HGSNAT: variants seen among roughly 807,000 people sequenced by gnomAD.
HGSNAT encodes the protein transmembrane protein 76.
HGSNAT carries 59 observed loss-of-function variants against 85.2 expected under a neutral mutation model. That is an observed-to-expected ratio of 0.69 (90% confidence interval 0.56 to 0.86). HGSNAT has a LOEUF of 0.86. HGSNAT is among the 40% of genes least tolerant of loss of function. The pLI, the probability that HGSNAT is intolerant of heterozygous loss-of-function variation, is 0.00. For missense variants in HGSNAT, 756 were observed against 777.1 expected (o/e 0.97, Z 0.32); for synonymous variants, 321 against 304.5 (o/e 1.05, Z -0.56).
chr8:43,194,728 C>T (rs1269417922), intron 14 of HGSNAT, among the ~76,000 whole-genome samples: 1 of 152,200 alleles, frequency 6.6e-6, no homozygotes, highest in African/African-American at 2.4e-5. Context: ...AAGCCCTTTT[C>T]TAAGGCCATT....
chr8:43,166,205 A>G (rs141138801), intron 5 of HGSNAT, among the ~76,000 whole-genome samples: 162 of 152,310 alleles, frequency 1.1e-3, no homozygotes, highest in African/African-American at 3.8e-3. Context: ...GCAAGTGCTG[A>G]TGGAGAAGCT....
rs769554777 is a variant in HGSNAT at position 43,182,332 on chromosome 8, C to G, written c.1128+72C>G. On this transcript the variant is annotated intron_variant, in intron 11 of 17. Coordinates refer to ENST00000379644, the MANE Select transcript of HGSNAT (RefSeq NM_152419.3). ...AAAATGTATTGTGTGGTGATACGGT[C>G]TCACTATGTTGTCCAGACTGGTCCC... The G allele has an allele frequency of 2.9e-5, 35 of 1,206,414 alleles. No individual in the cohort carries two copies. In the South Asian group the frequency reaches 4.0e-4, roughly 14 times the overall value. 74.7% of individuals were successfully genotyped at this position (1,206,414 alleles called of 1,614,324 possible).
intron 14 of HGSNAT, chr8:43,194,259 C>T: frequency 2.0e-6 from 1 of 500,750 alleles, no homozygotes; most frequent in Non-Finnish European, 2.6e-6. Flanking sequence ...ATTAGCCAGG[C>T]ATGATGGCAC....
chr8:43,189,051 G>C (rs531715977), intron 11 of HGSNAT, among the ~76,000 whole-genome samples: 66 of 152,318 alleles, frequency 4.3e-4, no homozygotes, highest in African/African-American at 1.5e-3. Flanking sequence ...CCTACTGGGA[G>C]GTGTCTCCCA....
In HGSNAT at chr8:43,140,523, C is replaced by T; in HGVS notation, c.27C>T (p.Ala9=). ...TGAGCGGGGCGGGCAGGGCGCTGGCCGCGCTGCTGCTGGCCGCGTCCGTGC... is the reference window on the plus strand; with the variant it reads ...TGAGCGGGGCGGGCAGGGCGCTGGCTGCGCTGCTGCTGGCCGCGTCCGTGC... MSGAGRAL[A]ALLLAASVLS... Residue 9 remains alanine, a synonymous_variant, in exon 1 of 18, where the codon GCC becomes GCT. Transcript: ENST00000379644. The T allele has an allele frequency of 3.6e-6, 4 of 1,098,790 alleles. No individual in the cohort carries two copies. Among genetic ancestry groups the T allele is most frequent in the South Asian group, 4.3e-5 (1 of 23,460 alleles). 68.1% of individuals were successfully genotyped at this position (1,098,790 alleles called of 1,614,324 possible).
rs1586698317 is a variant in HGSNAT, at chr8:43,146,993, T to C, written c.164T>C (p.Leu55Ser). 6 of 1,610,232 alleles carry C rather than the reference T, an allele frequency of 3.7e-6. No individual in the cohort carries two copies. The highest frequency in any genetic ancestry group is 5.1e-6 in the Non-Finnish European group (6 of 1,178,772). ...GCAGAGCTGAAGATGGATCAGGCTTTGCTACTCATCCATAATGAACTTCTC... is the reference window on the plus strand; with the variant it reads ...GCAGAGCTGAAGATGGATCAGGCTTCGCTACTCATCCATAATGAACTTCTC... ...RHAELKMDQA[L>S]LLIHNELLWT... is the part of the protein sequence containing the mutation. The change falls in exon 2 of 18, where the codon TTG becomes TCG. Residue 55 changes from leucine to serine, a missense_variant. Transcript: ENST00000379644.
chr8:43,147,982 C>T (rs1422049737), intron 2 of HGSNAT, among the ~76,000 whole-genome samples: 2 of 152,190 alleles, frequency 1.3e-5, no homozygotes, highest in East Asian at 3.8e-4. Context: ...GTGGCTCACG[C>T]CTGTAATCTC....
At chr8:43,197,158 A>G (rs550921327) in intron 15 of HGSNAT, 133 bp downstream of exon 15, 1 of 661,202 alleles carries the variant, frequency 1.5e-6, no homozygotes, top group Admixed American at 2.4e-5. Context: ...CTTCACTTGA[A>G]TAACAGAGAG....
chr8:43,191,051 G>C (rs1458729314), intron 11 of HGSNAT, among the ~76,000 whole-genome samples: 1 of 152,094 alleles, frequency 6.6e-6, no homozygotes, highest in African/African-American at 2.4e-5. Flanking sequence ...TATTTTTTGA[G>C]GTTCATCCAT....
chr8:43,161,456 T>G lies in HGSNAT; in HGVS notation c.512T>G (p.Leu171Arg). The change falls in exon 5 of 18, where the codon CTT (leucine) becomes CGT (arginine). Residue 171 changes from leucine to arginine, a missense_variant. By Grantham distance (102) the Leu-to-Arg change is moderately radical (BLOSUM62 -2). Coordinates refer to ENST00000379644, the MANE Select transcript of HGSNAT (RefSeq NM_152419.3). ...TTTCTAGCTGTGAGCATTGCATTCC[T>G]TATTGGTCTTGCTGTCATCATTGTG... ...DSNLPVSIAF[L>R]IGLAVIIVIS... is the part of the protein sequence containing the mutation. The G allele has an allele frequency of 6.2e-7, 1 of 1,613,030 alleles. No individual in the cohort carries two copies. Among genetic ancestry groups the G allele is most frequent in the Non-Finnish European group, 8.5e-7 (1 of 1,179,414 alleles).
chr8:43,191,609 T>C lies in HGSNAT; in HGVS notation c.1250+14T>C. On this transcript the variant is annotated intron_variant, in intron 12 of 17. Transcript: ENST00000379644. ...TGGGTGCCCTACGTAAGCGAACCCC[T>C]GGGGGTCATCCCTTGTGCATGTCCT... 4 of 1,613,288 alleles carry C rather than the reference T, an allele frequency of 2.5e-6. No homozygotes were observed. In the South Asian group the frequency reaches 4.4e-5, roughly 18 times the overall value.
intron 11 of HGSNAT, 68 bp downstream of exon 11, chr8:43,182,328 C>T (rs780950119): frequency 1.5e-5 from 19 of 1,229,240 alleles, no homozygotes; most frequent in South Asian, 9.6e-5. Flanking sequence ...TGTGGTGATA[C>T]GGTCTCACTA....
intron 11 of HGSNAT, among the ~76,000 whole-genome samples, chr8:43,187,055 C>T (rs1003953074): frequency 2.6e-5 from 4 of 152,170 alleles, no homozygotes; most frequent in Non-Finnish European, 4.4e-5. Context: ...GAGTGCTTTA[C>T]TTCCAACTAT....
intron 5 of HGSNAT, among the ~76,000 whole-genome samples, chr8:43,163,196 AGT>A (rs1803322780): frequency 6.6e-6 from 1 of 152,108 alleles, no homozygotes; most frequent in East Asian, 1.9e-4. Context: ...GAAAAAAAAA[AGT>A]AATTGATAGC....
chr8:43,159,312 G>A (rs1803194793), intron 4 of HGSNAT, among the ~76,000 whole-genome samples: 1 of 152,064 alleles, frequency 6.6e-6, no homozygotes, highest in African/African-American at 2.4e-5. Context: ...TATTGGCCTG[G>A]CATGGTGGCT....
chr8:43,146,325 C>T (rs528220717), intron 1 of HGSNAT, among the ~76,000 whole-genome samples: 5 of 152,294 alleles, frequency 3.3e-5, no homozygotes, highest in South Asian at 2.1e-4. Context: ...TTTCAAGACA[C>T]GTGCACCCCG....
intron 17 of HGSNAT, among the ~76,000 whole-genome samples, chr8:43,198,505 T>C (rs541904829): frequency 1.3e-5 from 2 of 152,116 alleles, no homozygotes; most frequent in Non-Finnish European, 1.5e-5. Flanking sequence ...GCTAGGATGG[T>C]CTTGATCTCC....
chr8:43,151,244 T>C (rs1002997042), intron 2 of HGSNAT, among the ~76,000 whole-genome samples: 9 of 152,162 alleles, frequency 5.9e-5, no homozygotes, highest in African/African-American at 1.9e-4. Flanking sequence ...GGGAGTGAGG[T>C]GGTTAAGAGC....
chr8:43,140,659 G>C (rs1007175155), intron 1 of HGSNAT, 45 bp downstream of exon 1: 5 of 1,007,774 alleles, frequency 5.0e-6, no homozygotes, highest in Non-Finnish European at 5.1e-6. Context: ...TACGAGCGCA[G>C]CGTCTCCTCT....
Sources: gnomAD v4.1 joint callset for allele counts (sites outside exome capture counted in the v4.1 genomes callset) on GRCh38, gnomAD v4.1.1 for gene constraint, MANE v1.5 for transcripts, NCBI Gene and HGNC (gene_info 2026-07-23, HGNC 2026-07-21) for gene names.